Variants in MYO10 observed in about 807,000 individuals in gnomAD.
MYO10 encodes myosin X, also known as unconventional myosin-X.
A neutral mutation model predicts 257.3 loss-of-function variants in MYO10; 133 were observed. That is an observed-to-expected ratio of 0.52 (90% CI 0.45 to 0.60). MYO10 has a LOEUF of 0.60. MYO10 is among the 20% of genes least tolerant of loss of function. The pLI, the probability that MYO10 is intolerant of heterozygous loss-of-function variation, is 0.00. For missense variants in MYO10, 2,399 were observed against 2,635.7 expected (o/e 0.91, Z 1.97); for synonymous variants, 1,104 against 1,028.6 (o/e 1.07, Z -1.40).
At position 16,665,310 on chromosome 5, in the gene MYO10, T is replaced by TATC. The variant is rs1478247539; in HGVS notation, c.*1379_*1381dup. ...AGGAAACACACAGCGTGTTAGCTAG[T>TATC]ATCTTTTATTGTCAGAACTTCTGTG... On this transcript the variant is annotated 3_prime_UTR_variant, in exon 41 of 41. Transcript: ENST00000513610. 1.3e-5 allele frequency: 2 copies of TATC among 152,180 alleles called. No individual in the cohort carries two copies. Among genetic ancestry groups the TATC allele is most frequent in the Admixed American group, 1.3e-4 (2 of 15,270 alleles). 9.4% of individuals were successfully genotyped at this position (152,180 alleles called of 1,614,324 possible).
At chr5:16,877,507 A>G in intron 2 of MYO10, 102 bp downstream of exon 2, 1 of 807,238 alleles carries the variant, frequency 1.2e-6, no homozygotes, top group Non-Finnish European at 2.0e-6. Context: ...AAAAAAATGT[A>G]AAGCGTGTGT....
chr5:16,813,501 C>G (rs1163044382), intron 3 of MYO10, among the ~76,000 whole-genome samples: 1 of 150,902 alleles, frequency 6.6e-6, no homozygotes, highest in African/African-American at 2.4e-5. Context: ...CAGGGAACAG[C>G]GATCATGTCA....
At chr5:16,899,134 CAAAAAA>C (rs60168960) in intron 1 of MYO10, among the ~76,000 whole-genome samples, 1 of 103,364 alleles carries the variant, frequency 9.7e-6, no homozygotes, top group African/African-American at 3.5e-5. Flanking sequence ...GACTCTGTCT[CAAAAAA>C]AAAAAAAAAA....
chr5:16,856,008 GA>G (rs1743950024), intron 2 of MYO10, among the ~76,000 whole-genome samples: 1 of 152,328 alleles, frequency 6.6e-6, no homozygotes, highest in African/African-American at 2.4e-5. Context: ...TTTAACGTCT[GA>G]AACGAAGCAA....
Position 16,668,325 on chromosome 5 carries a change from C to A in MYO10, c.6027G>T (p.Thr2009=), listed in dbSNP as rs371917654. The A allele has an allele frequency of 3.1e-6, 5 of 1,613,784 alleles. No homozygotes were observed. Among genetic ancestry groups the A allele is most frequent in the African/African-American group, 1.3e-5 (1 of 74,904 alleles). The change falls in exon 40 of 41, where the codon ACG becomes ACT. Residue 2009 remains threonine, a synonymous_variant. Transcript: ENST00000513610. The part of the protein sequence containing the change: ...ILSFGAPLAN[T]YKIVVDEREL... ...CCCTCTCATCGACCACGATCTTATA[C>A]GTATTCGCCAGGGGTGCCCCAAAAG...
chr5:16,684,045 T>G, intron 29 of MYO10, 110 bp from the exon 30 acceptor site: 2 of 961,140 alleles, frequency 2.1e-6, no homozygotes, highest in Non-Finnish European at 3.2e-6. Context: ...GGCTCTTTTC[T>G]TTTTAACTTC....
rs1376796565 is a variant in MYO10, at chr5:16,662,212, C to CA, written c.*4479dup. On this transcript the variant is annotated 3_prime_UTR_variant, in exon 41 of 41. Coordinates refer to ENST00000513610, the MANE Select transcript of MYO10 (RefSeq NM_012334.3). Reference sequence around the variant, plus strand: ...CGCTTATTTTTATACCCAATACACACAAATACAGAACTTTACTATAGCAGA... The same window carrying CA: ...CGCTTATTTTTATACCCAATACACACAAAATACAGAACTTTACTATAGCAGA... The CA allele has an allele frequency of 6.6e-6, 1 of 150,928 alleles. No homozygotes were observed. The highest frequency in any genetic ancestry group is 2.4e-5 in the African/African-American group (1 of 40,984). The allele number at this position is 150,928 out of a possible 1,614,324, so 9.3% of individuals were successfully genotyped here.
rs1561166330 is a variant in MYO10 at position 16,670,811 on chromosome 5, C to G, written c.5598G>C (p.Gln1866His). ...SLQRLKARIS[Q>H]STKTFTPCER... ...CACAAGGGGTGAAGGTTTTGGTTGACTGGCTGATGCGGGCCTTGAGTCTCT... is the reference window on the plus strand; with the variant it reads ...CACAAGGGGTGAAGGTTTTGGTTGAGTGGCTGATGCGGGCCTTGAGTCTCT... Residue 1866 changes from glutamine (Q) to histidine (H), a missense_variant, in exon 39 of 41, where the codon CAG becomes CAC. Physicochemically the swap from Gln to His is conservative, Grantham distance 24. Transcript: ENST00000513610. 1.9e-6 allele frequency: 3 copies of G among 1,614,028 alleles called. No homozygotes were observed. The highest frequency in any genetic ancestry group is 1.7e-6 in the Non-Finnish European group (2 of 1,179,900).
At chr5:16,684,290 G>C (rs1339242561) in intron 29 of MYO10, among the ~76,000 whole-genome samples, 1 of 152,138 alleles carries the variant, frequency 6.6e-6, no homozygotes, top group African/African-American at 2.4e-5. Flanking sequence ...CTGTTGCCCA[G>C]GCTGCGCAAT....
chr5:16,898,615 G>C (rs1745279530), intron 1 of MYO10, among the ~76,000 whole-genome samples: 1 of 151,568 alleles, frequency 6.6e-6, no homozygotes, highest in Admixed American at 6.6e-5. Context: ...CACCATGTTG[G>C]CCAGGCTGGT....
intron 5 of MYO10, among the ~76,000 whole-genome samples, chr5:16,782,912 C>T (rs25906): frequency 1.3e-5 from 2 of 152,054 alleles, no homozygotes; most frequent in African/African-American, 4.8e-5. Flanking sequence ...GAACCCTGCT[C>T]GTCTCCACGC....
intron 2 of MYO10, among the ~76,000 whole-genome samples, chr5:16,843,215 C>T (rs952204447): frequency 1.3e-5 from 2 of 152,202 alleles, no homozygotes; most frequent in Non-Finnish European, 2.9e-5. Flanking sequence ...CGTGCTCCAG[C>T]TTCAAGTATG....
rs765010733 is a variant in MYO10, at chr5:16,710,898, C to T, written c.2169+10G>A. The stretch of plus-strand genomic sequence containing the variant: ...GATTCGGTGGGAGTTGCTCTTTCTC[C>T]GCATCGTACCTTGGTCTTCCCCAGC... On this transcript the variant is annotated intron_variant, in intron 21 of 40. Coordinates refer to ENST00000513610, the MANE Select transcript of MYO10 (RefSeq NM_012334.3). The T allele has an allele frequency of 3.2e-5, 52 of 1,610,110 alleles. No homozygotes were observed. Among genetic ancestry groups the T allele is most frequent in the Admixed American group, 1.2e-4 (7 of 59,618 alleles).
chr5:16,920,959 A>G (rs1312894317), intron 1 of MYO10, among the ~76,000 whole-genome samples: 2 of 152,018 alleles, frequency 1.3e-5, no homozygotes, highest in Non-Finnish European at 2.9e-5. Flanking sequence ...CTCTACTAAA[A>G]TACAAAAATT....
At chr5:16,864,920 G>A (rs1255986193) in intron 2 of MYO10, among the ~76,000 whole-genome samples, 1 of 152,204 alleles carries the variant, frequency 6.6e-6, no homozygotes, top group African/African-American at 2.4e-5. Flanking sequence ...AAGCAAGAAT[G>A]AAAGTCCCAG....
chr5:16,673,092 C>A (rs1736547228), intron 36 of MYO10, among the ~76,000 whole-genome samples: 1 of 152,084 alleles, frequency 6.6e-6, no homozygotes, highest in Non-Finnish European at 1.5e-5. Context: ...TGATTTCTTG[C>A]AAACCTATAT....
At chr5:16,796,216 A>AGAGAGC (rs70943803) in intron 3 of MYO10, among the ~76,000 whole-genome samples, 9,460 of 119,878 alleles carry the variant, frequency 0.079, 1,407 homozygotes, top group African/African-American at 0.22. Context: ...AAGAACAGAG[A>AGAGAGC]GAGAGCGAGA....
intron 1 of MYO10, among the ~76,000 whole-genome samples, chr5:16,915,708 C>T (rs1287188061): frequency 1.3e-5 from 2 of 152,228 alleles, no homozygotes; most frequent in African/African-American, 4.8e-5. Flanking sequence ...ACAATCCCAG[C>T]ACTTTGGTAG....
rs112550616 is a variant in MYO10, at chr5:16,840,789, A to G, written c.121-22622T>C. Among the ~76,000 whole-genome samples the G allele has an allele frequency of 8.9e-3, 1,359 of 152,222 alleles. 20 individuals are homozygous for G. The highest frequency in any genetic ancestry group is 0.03 in the African/African-American group (1,263 of 41,550). On this transcript the variant is annotated intron_variant, in intron 2 of 40. Coordinates refer to ENST00000513610, the MANE Select transcript of MYO10 (RefSeq NM_012334.3). ...CTACTAATAAAGTTAAAACCAATAC[A>G]TGAGAGAAAAAAGGAGATCCAACAT...
Sources: allele counts gnomAD v4.1 joint callset (sites outside exome capture counted in the v4.1 genomes callset), GRCh38; gene constraint gnomAD v4.1.1; transcripts MANE v1.5; gene names NCBI Gene and HGNC (gene_info 2026-07-23, HGNC 2026-07-21).